CHST9: variants seen among roughly 807,000 people sequenced by gnomAD.
The protein encoded by CHST9 is carbohydrate sulfotransferase 9, also known as GalNAc-4-sulfotransferase 2.
CHST9 carries 41 observed loss-of-function variants against 44.4 expected under a neutral mutation model. That is an observed-to-expected ratio of 0.92 (90% CI 0.72 to 1.20). The LOEUF is 1.20. Ranked by LOEUF, CHST9 falls within the 50% of genes most tolerant of loss-of-function variation. The pLI, the probability that CHST9 is intolerant of heterozygous loss-of-function variation, is 0.00. For synonymous variants in CHST9, 171 were observed against 178.4 expected, an observed-to-expected ratio of 0.96 and a Z score of 0.33; for missense variants, 504 against 516.5, an observed-to-expected ratio of 0.98 and a Z score of 0.23.
At chr18:27,179,291 G>A (rs920880557) in intron 1 of CHST9, among the ~76,000 whole-genome samples, 3 of 151,978 alleles carry the variant, frequency 2.0e-5, no homozygotes, top group East Asian at 1.9e-4. Context: ...AGGTGACAGC[G>A]ACAGAAAAAG....
At chr18:27,004,488 A>G (rs1287979587) in intron 4 of CHST9, among the ~76,000 whole-genome samples, 1 of 152,078 alleles carries the variant, frequency 6.6e-6, no homozygotes, top group African/African-American at 2.4e-5. Context: ...CCCATTTGGC[A>G]CCTAACAATA....
chr18:27,027,129 A>G (rs551044442), intron 3 of CHST9, among the ~76,000 whole-genome samples: 1 of 152,366 alleles, frequency 6.6e-6, no homozygotes, highest in South Asian at 2.1e-4. Flanking sequence ...AAATACAACC[A>G]TGGTGTACTT....
intron 4 of CHST9, among the ~76,000 whole-genome samples, chr18:26,967,279 G>C (rs1182168): frequency 0.35 from 52,949 of 151,930 alleles, 9,802 homozygotes; most frequent in East Asian, 0.47. Context: ...GCTTATATAA[G>C]GGACTGCTTA....
chr18:26,920,561 T>G (rs186047134), intron 5 of CHST9, among the ~76,000 whole-genome samples: 14 of 152,346 alleles, frequency 9.2e-5, no homozygotes, highest in Non-Finnish European at 5.9e-5. Flanking sequence ...TTATCTTTCT[T>G]GCTCTCTGTG....
At chr18:27,131,749 C>T (rs569659803) in intron 2 of CHST9, among the ~76,000 whole-genome samples, 34 of 152,220 alleles carry the variant, frequency 2.2e-4, no homozygotes, top group African/African-American at 7.7e-4. Flanking sequence ...TAAATAAGAC[C>T]TAAGGCCATG....
intron 2 of CHST9, among the ~76,000 whole-genome samples, chr18:27,073,808 T>G (rs1277752612): frequency 6.6e-6 from 1 of 152,154 alleles, no homozygotes; most frequent in Non-Finnish European, 1.5e-5. Flanking sequence ...TTACTTTTTG[T>G]GACTATTTAT....
intron 1 of CHST9, among the ~76,000 whole-genome samples, chr18:27,168,933 A>G (rs1005927093): frequency 3.3e-5 from 5 of 152,202 alleles, no homozygotes; most frequent in African/African-American, 9.6e-5. Flanking sequence ...CTGAAGTTAG[A>G]AATGATCTCC....
intron 2 of CHST9, among the ~76,000 whole-genome samples, chr18:27,095,876 T>C (rs1278523745): frequency 1.3e-5 from 2 of 152,032 alleles, no homozygotes; most frequent in Non-Finnish European, 2.9e-5. Flanking sequence ...AGACAGGCTA[T>C]TGAGGCAGAA....
intron 4 of CHST9, among the ~76,000 whole-genome samples, chr18:27,023,204 T>G (rs1720349030): frequency 6.6e-6 from 1 of 152,216 alleles, no homozygotes; most frequent in Admixed American, 6.5e-5. Flanking sequence ...CATTTTTTTC[T>G]TGTAAAGTAA....
intron 2 of CHST9, among the ~76,000 whole-genome samples, chr18:27,118,670 C>T (rs541072226): frequency 6.6e-6 from 1 of 152,334 alleles, no homozygotes; most frequent in African/African-American, 2.4e-5. Flanking sequence ...AGAAGGCATC[C>T]CATGGTGCCC....
intron 2 of CHST9, among the ~76,000 whole-genome samples, chr18:27,053,112 A>G (rs1394430504): frequency 6.5e-5 from 9 of 139,248 alleles, no homozygotes; most frequent in East Asian, 2.1e-4. Context: ...AAGAAGAAGA[A>G]GAGGAGGAGG....
chr18:26,985,345 C>T (rs995177932), intron 4 of CHST9, among the ~76,000 whole-genome samples: 7 of 152,182 alleles, frequency 4.6e-5, no homozygotes, highest in Non-Finnish European at 1.0e-4. Flanking sequence ...AATTTATTCT[C>T]TTGCCAAAAC....
chr18:27,174,009 A>G (rs1408068774), intron 1 of CHST9, among the ~76,000 whole-genome samples: 1 of 152,000 alleles, frequency 6.6e-6, no homozygotes, highest in Non-Finnish European at 1.5e-5. Flanking sequence ...ACTTCTAAAT[A>G]CTTTCAAATA....
chr18:27,080,674 A>T lies in CHST9; in HGVS notation c.122-32171T>A, dbSNP rs181233616. Among the ~76,000 whole-genome samples the T allele has an allele frequency of 2.8e-3, 421 of 152,294 alleles. 4 individuals carry two copies. Among genetic ancestry groups the T allele is most frequent in the Non-Finnish European group, 4.4e-3 (296 of 68,034 alleles). ...TGTTGAGGATGTCCTGCAGAGTGGA[A>T]AAGTGAGCCACACACTGGAACTAGG... On this transcript the variant is annotated intron_variant, in intron 2 of 5. Transcript: ENST00000618847.
chr18:27,159,717 G>A lies in CHST9; in HGVS notation c.-96-16812C>T, dbSNP rs542457211. Among the ~76,000 whole-genome samples the A allele has an allele frequency of 1.3e-4, 20 of 152,244 alleles. No homozygotes were observed. The South Asian group carries it at 3.3e-3, about 25-fold the overall frequency. ...CCTTGGGCAGTATGGCCTTCTTCAC[G>A]ATATTGAGTCTTCCTACCCATGAGC... On this transcript the variant is annotated intron_variant, in intron 1 of 5. Coordinates refer to ENST00000618847, the MANE Select transcript of CHST9 (RefSeq NM_031422.6).
intron 2 of CHST9, among the ~76,000 whole-genome samples, chr18:27,093,322 G>C (rs1458326799): frequency 6.6e-6 from 1 of 152,258 alleles, no homozygotes; most frequent in Non-Finnish European, 1.5e-5. Flanking sequence ...GTTGTTTGCT[G>C]TCTTTTGTTC....
At chr18:27,000,622 G>GTCTATCTATCTA (rs6146241) in intron 4 of CHST9, among the ~76,000 whole-genome samples, 3,185 of 147,566 alleles carry the variant, frequency 0.022, 36 homozygotes, top group Middle Eastern at 0.032. Context: ...TATTTGTTTT[G>GTCTATCTATCTA]TCTATCTATC....
At chr18:27,107,904 C>T (rs2143770955) in intron 2 of CHST9, among the ~76,000 whole-genome samples, 1 of 152,330 alleles carries the variant, frequency 6.6e-6, no homozygotes, top group South Asian at 2.1e-4. Flanking sequence ...GATTCCCCAT[C>T]ATGTGCATTT....
intron 5 of CHST9, chr18:26,935,078 A>T (rs750423581): frequency 6.6e-6 from 1 of 152,234 alleles, no homozygotes; most frequent in Non-Finnish European, 1.5e-5. Flanking sequence ...ATTGATTAAA[A>T]GCATATATCA....
Sources: allele counts gnomAD v4.1 joint callset (sites outside exome capture counted in the v4.1 genomes callset), GRCh38; gene constraint gnomAD v4.1.1; transcripts MANE v1.5; gene names NCBI Gene and HGNC (gene_info 2026-07-23, HGNC 2026-07-21).